The following GLIS3 variants were observed in gnomAD, a reference collection of about 807,000 sequenced individuals.
GLIS3 encodes zinc finger protein GLIS3.
Under a neutral mutation model 78.6 loss-of-function variants are expected in GLIS3, and 53 were observed. The observed-to-expected ratio is 0.67, with a 90% CI of 0.54 to 0.85. GLIS3 has a LOEUF of 0.85. GLIS3 is among the 40% of genes least tolerant of loss of function. GLIS3 has a pLI of 0.00. For synonymous variants in GLIS3, 684 were observed against 509.9 expected, an observed-to-expected ratio of 1.34 and a Z score of -4.60; for missense variants, 1,703 against 1,231.1, an observed-to-expected ratio of 1.38 and a Z score of -5.74.
At chr9:4,435,734 G>A in the GLIS3 span, among the ~76,000 whole-genome samples, 40 of 152,150 alleles carry the variant, frequency 2.6e-4, no homozygotes, top group Non-Finnish European at 4.0e-4. Context: ...CGGATCATGA[G>A]GTCAGGAGAT....
intron 9 of GLIS3, among the ~76,000 whole-genome samples, chr9:3,830,395 T>G (rs1383880497): frequency 6.6e-6 from 1 of 152,230 alleles, no homozygotes; most frequent in African/African-American, 2.4e-5. Flanking sequence ...CTTAGTTCCG[T>G]ACATTATTGG....
At chr9:4,058,993 A>C (rs539523165) in intron 4 of GLIS3, among the ~76,000 whole-genome samples, 1 of 151,996 alleles carries the variant, frequency 6.6e-6, no homozygotes, top group Non-Finnish European at 1.5e-5. Flanking sequence ...AAAACAAAAA[A>C]AAAAAAAGAA....
intron 2 of GLIS3, among the ~76,000 whole-genome samples, chr9:4,168,179 A>G (rs1450691572): frequency 6.7e-6 from 1 of 149,652 alleles, no homozygotes; most frequent in Non-Finnish European, 1.5e-5. Context: ...TCTCTCTCTT[A>G]CACACACACA....
At chr9:4,174,012 C>T (rs886921841) in intron 2 of GLIS3, among the ~76,000 whole-genome samples, 1 of 152,036 alleles carries the variant, frequency 6.6e-6, no homozygotes, top group Non-Finnish European at 1.5e-5. Flanking sequence ...TTAATTTCCA[C>T]ATTTCTATCT....
At chr9:4,489,958 T>C in the GLIS3 span, among the ~76,000 whole-genome samples, 2 of 152,116 alleles carry the variant, frequency 1.3e-5, no homozygotes, top group African/African-American at 4.8e-5. Flanking sequence ...CAGGACTCCT[T>C]TCTCTCCTCC....
At chr9:4,193,037 T>A (rs951261442) in intron 2 of GLIS3, among the ~76,000 whole-genome samples, 3 of 152,200 alleles carry the variant, frequency 2.0e-5, no homozygotes, top group Admixed American at 2.0e-4. Flanking sequence ...CCATTTTAAG[T>A]AAGGTAAGCC....
At chr9:3,849,261 C>A (rs955136141) in intron 9 of GLIS3, among the ~76,000 whole-genome samples, 12 of 152,210 alleles carry the variant, frequency 7.9e-5, no homozygotes, top group African/African-American at 2.4e-4. Flanking sequence ...TGATTAGTCC[C>A]ATTTTACAGA....
intron 2 of GLIS3, among the ~76,000 whole-genome samples, chr9:4,248,434 G>A (rs920882742): frequency 6.6e-6 from 1 of 152,042 alleles, no homozygotes; most frequent in African/African-American, 2.4e-5. Context: ...CTTTTTTATG[G>A]CTGCATAGTA....
At chr9:3,963,349 GA>G (rs1298626448) in intron 4 of GLIS3, among the ~76,000 whole-genome samples, 1 of 152,178 alleles carries the variant, frequency 6.6e-6, no homozygotes, top group Non-Finnish European at 1.5e-5. Flanking sequence ...AACTGGCAGT[GA>G]GAGTATGCTG....
At chr9:4,184,169 A>G (rs879889544) in intron 2 of GLIS3, among the ~76,000 whole-genome samples, 2 of 152,188 alleles carry the variant, frequency 1.3e-5, no homozygotes, top group Admixed American at 6.5e-5. Flanking sequence ...TCAAGGGTAT[A>G]AGCAATTACA....
At chr9:3,853,261 G>C (rs544921835) in intron 9 of GLIS3, among the ~76,000 whole-genome samples, 54 of 152,184 alleles carry the variant, frequency 3.5e-4, no homozygotes, top group African/African-American at 1.3e-3. Context: ...ATTTCAAGTT[G>C]ACAATACATT....
chr9:4,069,067 T>A (rs1827363921), intron 4 of GLIS3, among the ~76,000 whole-genome samples: 1 of 152,164 alleles, frequency 6.6e-6, no homozygotes, highest in African/African-American at 2.4e-5. Context: ...ATGTATGGGA[T>A]TAGCAGGAAT....
chr9:3,899,900 G>A (rs1274642401), intron 6 of GLIS3, among the ~76,000 whole-genome samples: 31 of 152,222 alleles, frequency 2.0e-4, no homozygotes, highest in Admixed American at 2.0e-3. Context: ...ATGCGGAGAA[G>A]CGAGACAGTG....
chr9:3,884,368 G>C (rs963513838), intron 7 of GLIS3, among the ~76,000 whole-genome samples: 4 of 152,146 alleles, frequency 2.6e-5, no homozygotes, highest in Non-Finnish European at 5.9e-5. Flanking sequence ...TCACTTCAGA[G>C]GGAAAGGATG....
At chr9:4,163,140 G>C (rs1408197479) in intron 2 of GLIS3, among the ~76,000 whole-genome samples, 2 of 152,196 alleles carry the variant, frequency 1.3e-5, no homozygotes, top group South Asian at 2.1e-4. Flanking sequence ...AAAGCAATCA[G>C]CTCTAAAGTC....
At chr9:4,148,921 A>G (rs1305393699) in intron 2 of GLIS3, among the ~76,000 whole-genome samples, 3 of 152,104 alleles carry the variant, frequency 2.0e-5, no homozygotes, top group African/African-American at 7.2e-5. Flanking sequence ...CTCACTGCAC[A>G]CAAAGCTCGT....
intron 8 of GLIS3, among the ~76,000 whole-genome samples, chr9:3,865,932 A>C (rs974152947): frequency 6.6e-6 from 1 of 152,220 alleles, no homozygotes. Context: ...CTGATATAAC[A>C]AACACTGAAA....
chr9:4,212,456 T>G (rs1820459832), intron 2 of GLIS3, among the ~76,000 whole-genome samples: 1 of 152,152 alleles, frequency 6.6e-6, no homozygotes, highest in Non-Finnish European at 1.5e-5. Context: ...ACAAGGCAAA[T>G]GTGGTCCCTT....
intron 9 of GLIS3, among the ~76,000 whole-genome samples, chr9:3,850,554 A>G (rs1334685501): frequency 1.3e-5 from 2 of 152,226 alleles, no homozygotes; most frequent in South Asian, 4.1e-4. Context: ...TGTTCTGTAC[A>G]TGTGGCCCAA....
Sources: gnomAD v4.1 joint callset for allele counts (sites outside exome capture counted in the v4.1 genomes callset) on GRCh38, gnomAD v4.1.1 for gene constraint, MANE v1.5 for transcripts, NCBI Gene and HGNC (gene_info 2026-07-23, HGNC 2026-07-21) for gene names.